The following TAF3 variants were observed in gnomAD, a reference collection of about 807,000 sequenced individuals.
The protein encoded by TAF3 is transcription initiation factor TFIID subunit 3.
TAF3 carries 7 observed loss-of-function variants against 80.6 expected under a neutral mutation model. The observed-to-expected ratio is 0.09, with a 90% confidence interval of 0.05 to 0.16. TAF3 has a LOEUF of 0.16. Ranked by LOEUF, TAF3 falls within the 10% of genes least tolerant of loss-of-function variation. The pLI is 1.00. For synonymous variants in TAF3, 444 were observed against 446.1 expected, an observed-to-expected ratio of 1.00 and a Z score of 0.06; for missense variants, 921 against 1,140.2, an observed-to-expected ratio of 0.81 and a Z score of 2.77.
intron 2 of TAF3, among the ~76,000 whole-genome samples, chr10:7,941,397 G>A (rs967968423): frequency 2.6e-5 from 4 of 152,214 alleles, no homozygotes; most frequent in African/African-American, 9.6e-5. Flanking sequence ...AGGTCAGCAG[G>A]GTGGGGATTA....
At position 7,855,080 on chromosome 10, in the gene TAF3, A is replaced by G. The variant is rs934506003; in HGVS notation, c.409+30520A>G. Among the ~76,000 whole-genome samples, 3 of 152,144 alleles carry G rather than the reference A, an allele frequency of 2.0e-5. No homozygotes were observed. In the East Asian group the frequency reaches 5.8e-4, roughly 29 times the overall value. On this transcript the variant is annotated intron_variant, in intron 2 of 6. Coordinates refer to ENST00000344293, the MANE Select transcript of TAF3 (RefSeq NM_031923.4). ...ATGGGATAAAAGGCAAGAGTAACCC[A>G]TTTTTTGAAACTGGAAAGTCGAGGG...
intron 2 of TAF3, among the ~76,000 whole-genome samples, chr10:7,837,628 G>A (rs1022629372): frequency 1.3e-5 from 2 of 152,200 alleles, no homozygotes; most frequent in Admixed American, 6.5e-5. Flanking sequence ...GGGCAAAAGA[G>A]CAAGACTCTG....
intron 2 of TAF3, among the ~76,000 whole-genome samples, chr10:7,858,643 A>G (rs1166076834): frequency 5.9e-5 from 9 of 152,162 alleles, no homozygotes; most frequent in Admixed American, 5.2e-4. Context: ...CAATATATCT[A>G]CTGTTAATGA....
chr10:7,840,641 G>A (rs1836903369), intron 2 of TAF3, among the ~76,000 whole-genome samples: 1 of 151,934 alleles, frequency 6.6e-6, no homozygotes, highest in African/African-American at 2.4e-5. Context: ...GGGGAAGACG[G>A]GAATATCAAG....
chr10:7,952,639 G>C (rs994450281), intron 2 of TAF3, among the ~76,000 whole-genome samples: 1 of 152,090 alleles, frequency 6.6e-6, no homozygotes, highest in African/African-American at 2.4e-5. Flanking sequence ...GTTTTTTATT[G>C]TGCAGAATGT....
intron 2 of TAF3, chr10:7,833,956 A>G: frequency 3.1e-6 from 1 of 325,470 alleles, no homozygotes; most frequent in Non-Finnish European, 5.6e-6. Flanking sequence ...GCTGGGCACC[A>G]TGGCTGCCTG....
intron 2 of TAF3, among the ~76,000 whole-genome samples, chr10:7,916,268 C>A (rs79905220): frequency 0.011 from 1,686 of 152,266 alleles, 33 homozygotes; most frequent in African/African-American, 0.038. Flanking sequence ...GTATGTATTT[C>A]TATTTTTGAC....
At chr10:7,957,792 G>GCTCTCTCTCTCTCTCT (rs373350330) in intron 2 of TAF3, among the ~76,000 whole-genome samples, 7 of 134,344 alleles carry the variant, frequency 5.2e-5, no homozygotes, top group African/African-American at 8.8e-5. Context: ...TCTCTCTAGC[G>GCTCTCTCTCTCTCTCT]CGCTCTCTCT....
intron 2 of TAF3, among the ~76,000 whole-genome samples, chr10:7,842,019 ACTGC>A (rs1836919290): frequency 6.6e-6 from 1 of 152,084 alleles, no homozygotes; most frequent in Non-Finnish European, 1.5e-5. Context: ...TTACCAAATG[ACTGC>A]CTATGTTGGC....
chr10:7,897,909 C>T (rs1041315854), intron 2 of TAF3, among the ~76,000 whole-genome samples: 4 of 152,188 alleles, frequency 2.6e-5, no homozygotes, highest in Admixed American at 1.3e-4. Flanking sequence ...ATCCTCCCAT[C>T]TCCAGCCTCC....
chr10:7,944,669 G>A (rs537530910), intron 2 of TAF3, among the ~76,000 whole-genome samples: 1 of 152,264 alleles, frequency 6.6e-6, no homozygotes, highest in South Asian at 2.1e-4. Context: ...TTATCTCTTA[G>A]CTAATCCTCA....
intron 1 of TAF3, among the ~76,000 whole-genome samples, chr10:7,820,513 G>A (rs1836680575): frequency 6.6e-6 from 1 of 152,098 alleles, no homozygotes; most frequent in African/African-American, 2.4e-5. Context: ...TTCTTCTTTT[G>A]AGACAGGGTC....
Position 7,871,434 on chromosome 10 carries a change from G to GCTTTTTTTTTTTTTTTTTTTTTT in TAF3, c.409+46875_409+46897dup. 3.1e-5 allele frequency among the ~76,000 whole-genome samples: 2 copies of GCTTTTTTTTTTTTTTTTTTTTTT among 64,770 alleles called. 1 individual carries two copies. Among genetic ancestry groups the GCTTTTTTTTTTTTTTTTTTTTTT allele is most frequent in the Non-Finnish European group, 6.3e-5 (2 of 31,864 alleles). 42.5% of individuals were successfully genotyped at this position (64,770 alleles called of 152,430 possible). A position where few individuals can be genotyped will look rare whatever the true frequency, so the allele number is the denominator to read the frequency against. On this transcript the variant is annotated intron_variant, in intron 2 of 6. Transcript: ENST00000344293. ...TCTAAATTGATGACAAATAACTGCT[G>GCTTTTTTTTTTTTTTTTTTTTTT]CTTTTTTTTTTTTTTTTTTTTTTTT...
rs541463960 is a variant in TAF3 at position 7,832,854 on chromosome 10, AT to A, written c.409+8297del. Among the ~76,000 whole-genome samples, 231 of 152,270 alleles carry A rather than the reference AT, an allele frequency of 1.5e-3. 1 individual carries two copies. Among genetic ancestry groups the A allele is most frequent in the African/African-American group, 5.4e-3 (225 of 41,562 alleles). ...CATGAGCCACTGCACCTGGCCCAGC[AT>A]TTATCATTTCTTTGTGCTACAGATA... On this transcript the variant is annotated intron_variant, in intron 2 of 6. Coordinates refer to ENST00000344293, the MANE Select transcript of TAF3 (RefSeq NM_031923.4).
At chr10:7,832,397 A>G (rs897355285) in intron 2 of TAF3, among the ~76,000 whole-genome samples, 2 of 152,186 alleles carry the variant, frequency 1.3e-5, no homozygotes, top group Non-Finnish European at 2.9e-5. Flanking sequence ...AGGCTGAATA[A>G]TAATACTTTT....
At position 7,909,775 on chromosome 10, in the gene TAF3, A is replaced by C. The variant is rs78804160; in HGVS notation, c.410-54145A>C. Among the ~76,000 whole-genome samples the C allele has an allele frequency of 2.1e-3, 322 of 152,290 alleles. 2 individuals carry two copies. The East Asian group carries it at 0.044, about 21-fold the overall frequency. On this transcript the variant is annotated intron_variant, in intron 2 of 6. Coordinates refer to ENST00000344293, the MANE Select transcript of TAF3 (RefSeq NM_031923.4). ...TTATAAAGGTATCTTTATTTGCAGA[A>C]TAGGAATCAACAGAGCCAGGAGTTG...
intron 4 of TAF3, 83 bp from the exon 5 acceptor site, chr10:8,008,995 A>G (rs1564382885): frequency 1.6e-5 from 24 of 1,498,850 alleles, no homozygotes; most frequent in Non-Finnish European, 2.2e-5. Flanking sequence ...AAGAAAAGCT[A>G]TTTTACGATC....
At chr10:7,972,018 C>CTG (rs1204608858) in intron 3 of TAF3, among the ~76,000 whole-genome samples, 1 of 152,192 alleles carries the variant, frequency 6.6e-6, no homozygotes, top group African/African-American at 2.4e-5. Context: ...TAGTAATCCA[C>CTG]TGTAAATGCT....
intron 2 of TAF3, among the ~76,000 whole-genome samples, chr10:7,924,579 C>T (rs1218232588): frequency 6.6e-6 from 1 of 152,206 alleles, no homozygotes; most frequent in African/African-American, 2.4e-5. Flanking sequence ...TAACACGGAA[C>T]TTATTTCTTT....
Sources: allele counts gnomAD v4.1 joint callset (sites outside exome capture counted in the v4.1 genomes callset), GRCh38; gene constraint gnomAD v4.1.1; transcripts MANE v1.5; gene names NCBI Gene and HGNC (gene_info 2026-07-23, HGNC 2026-07-21).